Variants in CARMIL1 observed in about 807,000 individuals in gnomAD.
CARMIL1 encodes F-actin-uncapping protein LRRC16A.
Under a neutral mutation model 177.1 loss-of-function variants are expected in CARMIL1, and 90 were observed. The observed-to-expected ratio is 0.51, with a 90% CI of 0.43 to 0.61. The LOEUF is 0.61. Among genes scored for constraint, CARMIL1 ranks in the 20% least tolerant of loss-of-function variants. CARMIL1 has a pLI of 0.00. For synonymous variants in CARMIL1, 577 were observed against 606.2 expected (o/e 0.95, Z 0.71); for missense variants, 1,380 against 1,667.0 (o/e 0.83, Z 3.00).
intron 8 of CARMIL1, among the ~76,000 whole-genome samples, chr6:25,459,234 C>CTTTCTT (rs1799820281): frequency 1.1e-5 from 1 of 90,016 alleles, no homozygotes; most frequent in Non-Finnish European, 2.2e-5. Context: ...TTCTTTCTTT[C>CTTTCTT]TTTCTTTCTT....
chr6:25,589,108 C>T (rs1814059339), intron 31 of CARMIL1, among the ~76,000 whole-genome samples: 1 of 152,212 alleles, frequency 6.6e-6, no homozygotes, highest in African/African-American at 2.4e-5. Context: ...AGCCCCTCAT[C>T]TGGTGCTTAA....
At chr6:25,546,165 ATTTCC>A (rs993168433) in intron 26 of CARMIL1, among the ~76,000 whole-genome samples, 1 of 152,062 alleles carries the variant, frequency 6.6e-6, no homozygotes, top group Non-Finnish European at 1.5e-5. Context: ...AGGGGAAAAT[ATTTCC>A]TTTAAAGTCA....
rs769702901 is a variant in CARMIL1 at position 25,459,266 on chromosome 6, C to CT, written c.615-6593dup. 3.3e-4 allele frequency among the ~76,000 whole-genome samples: 24 copies of CT among 73,766 alleles called. 1 individual carries two copies. Among genetic ancestry groups the CT allele is most frequent in the East Asian group, 1.1e-3 (3 of 2,698 alleles). The allele number at this position is 73,766 out of a possible 152,430, so 48.4% of individuals were successfully genotyped here. A position where few individuals can be genotyped will look rare whatever the true frequency, so the allele number is the denominator to read the frequency against. ...TCTTTCTTTCTTTCTTTCTTTCTTT[C>CT]TTTTTTTTTTTTTTAAGACAGGGTC... On this transcript the variant is annotated intron_variant, in intron 8 of 36. Transcript: ENST00000329474.
chr6:25,595,453 C>T (rs898614626), intron 32 of CARMIL1, among the ~76,000 whole-genome samples: 2 of 152,172 alleles, frequency 1.3e-5, no homozygotes, highest in African/African-American at 4.8e-5. Flanking sequence ...CTTACTGAAT[C>T]TTATAACCTT....
chr6:25,575,945 A>G (rs1484928845), intron 29 of CARMIL1, among the ~76,000 whole-genome samples: 1 of 152,166 alleles, frequency 6.6e-6, no homozygotes, highest in Non-Finnish European at 1.5e-5. Context: ...GACATGAAAA[A>G]TAAAGAACTT....
At chr6:25,369,382 T>TG (rs1554179519) in intron 2 of CARMIL1, among the ~76,000 whole-genome samples, 1 of 86,506 alleles carries the variant, frequency 1.2e-5, no homozygotes. Flanking sequence ...GTATTTTGTT[T>TG]TTTTTTTTTT....
At chr6:25,546,669 CAAAAAAA>C (rs58285338) in intron 26 of CARMIL1, among the ~76,000 whole-genome samples, 184 of 115,554 alleles carry the variant, frequency 1.6e-3, no homozygotes, top group African/African-American at 5.1e-3. Context: ...ACAACAACAA[CAAAAAAA>C]AAAAAAAAAA....
Position 25,444,866 on chromosome 6 carries a change from T to G in CARMIL1, c.372-5032T>G, listed in dbSNP as rs142094946. ...CATGTGTCTTTATAGTAGCAGGATT[T>G]ATAATCCTTTGGGTATATACCCAGT... On this transcript the variant is annotated intron_variant, in intron 5 of 36. Transcript: ENST00000329474. Among the ~76,000 whole-genome samples the G allele has an allele frequency of 5.1e-3, 771 of 152,348 alleles. 3 individuals are homozygous for G. Among genetic ancestry groups the G allele is most frequent in the African/African-American group, 0.017 (690 of 41,592 alleles).
At chr6:25,565,205 C>T (rs534704942) in intron 29 of CARMIL1, among the ~76,000 whole-genome samples, 1 of 152,160 alleles carries the variant, frequency 6.6e-6, no homozygotes, top group African/African-American at 2.4e-5. Flanking sequence ...AGCCTTATCA[C>T]CCAGAACCTT....
At chr6:25,306,366 G>C (rs543592194) in intron 2 of CARMIL1, among the ~76,000 whole-genome samples, 158 of 152,238 alleles carry the variant, frequency 1.0e-3, no homozygotes, top group South Asian at 2.3e-3. Context: ...GGTGGCATTA[G>C]ATTCTCATAG....
At chr6:25,360,729 C>G (rs906880009) in intron 2 of CARMIL1, among the ~76,000 whole-genome samples, 7 of 152,180 alleles carry the variant, frequency 4.6e-5, no homozygotes, top group African/African-American at 1.4e-4. Context: ...GGGAAGTGTG[C>G]AGCCTGGGCT....
intron 2 of CARMIL1, among the ~76,000 whole-genome samples, chr6:25,380,415 A>T (rs1051911298): frequency 9.9e-5 from 15 of 152,216 alleles, no homozygotes; most frequent in Admixed American, 6.5e-5. Context: ...GTTATTTTGC[A>T]TTAAAACTTT....
At chr6:25,593,558 C>T (rs182122992) in intron 31 of CARMIL1, among the ~76,000 whole-genome samples, 1 of 152,268 alleles carries the variant, frequency 6.6e-6, no homozygotes, top group African/African-American at 2.4e-5. Context: ...TTTATTTTCT[C>T]ACCTAACAAA....
Position 25,495,317 on chromosome 6 carries a change from C to T in CARMIL1, c.1325+102C>T, listed in dbSNP as rs565145791. On this transcript the variant is annotated intron_variant, in intron 16 of 36. Coordinates refer to ENST00000329474, the MANE Select transcript of CARMIL1 (RefSeq NM_017640.6). ...AAGATATATAATCCAAAGACAAAAA[C>T]CACAGATGAGAATGCCTTTTTACTC... The T allele has an allele frequency of 1.5e-4, 110 of 719,450 alleles. No homozygotes were observed. In the African/African-American group the frequency reaches 1.8e-3, roughly 12 times the overall value. 44.6% of individuals were successfully genotyped at this position (719,450 alleles called of 1,614,324 possible). A position where few individuals can be genotyped will look rare whatever the true frequency, so the allele number is the denominator to read the frequency against.
chr6:25,573,204 C>T (rs1188202739), intron 29 of CARMIL1, among the ~76,000 whole-genome samples: 1 of 152,144 alleles, frequency 6.6e-6, no homozygotes, highest in Non-Finnish European at 1.5e-5. Flanking sequence ...AGGCATTCCC[C>T]TATGTCACCC....
At chr6:25,319,765 T>C (rs1784544795) in intron 2 of CARMIL1, among the ~76,000 whole-genome samples, 2 of 14,528 alleles carry the variant, frequency 1.4e-4, no homozygotes, top group African/African-American at 7.0e-4. Context: ...ATTTGGTCAC[T>C]TTTTTTTTTT....
chr6:25,514,006 ATGGCT>A (rs1198410150), intron 20 of CARMIL1, among the ~76,000 whole-genome samples: 1 of 152,342 alleles, frequency 6.6e-6, no homozygotes, highest in East Asian at 1.9e-4. Flanking sequence ...TTAATAAGTT[ATGGCT>A]TAAATCAAGG....
chr6:25,323,326 G>A (rs1784822768), intron 2 of CARMIL1, among the ~76,000 whole-genome samples: 1 of 149,170 alleles, frequency 6.7e-6, no homozygotes, highest in African/African-American at 2.5e-5. Flanking sequence ...GCTCACGCCT[G>A]TAATCCCAGC....
At position 25,517,344 on chromosome 6, in the gene CARMIL1, C is replaced by A. The variant is rs748306251; in HGVS notation, c.1806-3C>A. The A allele has an allele frequency of 6.2e-7, 1 of 1,610,386 alleles. No individual in the cohort carries two copies. Among genetic ancestry groups the A allele is most frequent in the Non-Finnish European group, 8.5e-7 (1 of 1,177,220 alleles). ...TCATTTATGTGATTTGATTTTCAAA[C>A]AGGACTGTAATATGGGACAAGAACA... is the stretch of plus-strand genomic sequence containing the variant. On this transcript the variant is annotated splice_polypyrimidine_tract_variant and splice_region_variant and intron_variant, in intron 21 of 36. Coordinates refer to ENST00000329474, the MANE Select transcript of CARMIL1 (RefSeq NM_017640.6).
Sources: gnomAD v4.1 joint callset for allele counts (sites outside exome capture counted in the v4.1 genomes callset) on GRCh38, gnomAD v4.1.1 for gene constraint, MANE v1.5 for transcripts, NCBI Gene and HGNC (gene_info 2026-07-23, HGNC 2026-07-21) for gene names.